The following CERS6 variants were observed in gnomAD, a reference collection of about 807,000 sequenced individuals.
CERS6 encodes the protein LAG1 homolog, ceramide synthase 6.
Under a neutral mutation model 56.8 loss-of-function variants are expected in CERS6, and 26 were observed. The observed-to-expected ratio is 0.46, with a 90% CI of 0.34 to 0.63. The LOEUF (loss-of-function observed/expected upper bound fraction) is 0.63, where lower values mean the gene tolerates loss of function less well. Ranked by LOEUF, CERS6 falls within the 30% of genes least tolerant of loss-of-function variation. CERS6 has a pLI of 0.01. For missense variants in CERS6, 415 were observed against 467.5 expected (o/e 0.89, Z 1.04); for synonymous variants, 164 against 173.3 (o/e 0.95, Z 0.42).
At chr2:168,756,494 G>T (rs754051608) in intron 8 of CERS6, among the ~76,000 whole-genome samples, 3 of 152,182 alleles carry the variant, frequency 2.0e-5, no homozygotes, top group Non-Finnish European at 4.4e-5. Flanking sequence ...GGATTTAAGG[G>T]TCAAGTGGGG....
intron 8 of CERS6, among the ~76,000 whole-genome samples, chr2:168,726,438 A>G (rs941997099): frequency 6.6e-6 from 1 of 152,250 alleles, no homozygotes; most frequent in Admixed American, 6.5e-5. Flanking sequence ...GTTCTGCCCC[A>G]GTCAAGATAA....
At chr2:168,529,841 G>C (rs908458246) in intron 1 of CERS6, among the ~76,000 whole-genome samples, 1 of 152,136 alleles carries the variant, frequency 6.6e-6, no homozygotes, top group Admixed American at 6.5e-5. Flanking sequence ...AAATATAATG[G>C]AATTAAAGGA....
At chr2:168,558,737 C>CACA (rs1558997490) in intron 2 of CERS6, among the ~76,000 whole-genome samples, 1 of 152,202 alleles carries the variant, frequency 6.6e-6, no homozygotes, top group African/African-American at 2.4e-5. Flanking sequence ...GGTGTGGTGG[C>CACA]TGGCGCCTGT....
Position 168,763,451 on chromosome 2 carries a change from A to T in CERS6, c.846-2141A>T, listed in dbSNP as rs996179117. Among the ~76,000 whole-genome samples, 7 of 151,254 alleles carry T rather than the reference A, an allele frequency of 4.6e-5. No individual in the cohort carries two copies. The South Asian group carries it at 1.3e-3, about 27-fold the overall frequency. On this transcript the variant is annotated intron_variant, in intron 8 of 9. Coordinates refer to ENST00000305747, the MANE Select transcript of CERS6 (RefSeq NM_203463.3). Reference sequence around the variant, plus strand: ...TTTTTTTTGTATTTTTAGTAGAGACAGGGTTTCAGCATCTTGGCCAGGCTG... The same window carrying T: ...TTTTTTTTGTATTTTTAGTAGAGACTGGGTTTCAGCATCTTGGCCAGGCTG...
chr2:168,769,949 A>G lies in CERS6; in HGVS notation c.*287A>G. ...TTTTGTATTTGTAAATCTGTGGACA[A>G]AAGAGGGTTTCCTCACTCCTTTTAC... is the stretch of plus-strand genomic sequence containing the variant. On this transcript the variant is annotated 3_prime_UTR_variant, in exon 10 of 10. Transcript: ENST00000305747. The G allele has an allele frequency of 3.1e-6, 1 of 323,864 alleles. No homozygotes were observed. The highest frequency in any genetic ancestry group is 3.1e-5 in the South Asian group (1 of 32,504). 20.1% of individuals were successfully genotyped at this position (323,864 alleles called of 1,614,324 possible).
At chr2:168,710,266 C>G (rs977788216) in intron 6 of CERS6, among the ~76,000 whole-genome samples, 2 of 152,254 alleles carry the variant, frequency 1.3e-5, no homozygotes, top group African/African-American at 2.4e-5. Context: ...TACTAATCCT[C>G]CATAAGTGTT....
intron 4 of CERS6, among the ~76,000 whole-genome samples, chr2:168,669,822 C>G (rs6730030): frequency 0.39 from 58,696 of 151,922 alleles, 12,071 homozygotes; most frequent in South Asian, 0.47. Context: ...ACTCATATAT[C>G]TTAACATACA....
intron 1 of CERS6, among the ~76,000 whole-genome samples, chr2:168,494,648 C>T (rs546045976): frequency 2.6e-5 from 4 of 152,124 alleles, no homozygotes; most frequent in African/African-American, 4.8e-5. Context: ...TTCAAGAGAC[C>T]GAAGAAGAGA....
At chr2:168,763,402 A>G (rs1684637274) in intron 8 of CERS6, among the ~76,000 whole-genome samples, 1 of 150,942 alleles carries the variant, frequency 6.6e-6, no homozygotes, top group African/African-American at 2.4e-5. Context: ...ACACCAGCAC[A>G]CTCGGCTGAT....
intron 4 of CERS6, among the ~76,000 whole-genome samples, chr2:168,684,648 T>A (rs950762722): frequency 6.6e-6 from 1 of 152,216 alleles, no homozygotes; most frequent in African/African-American, 2.4e-5. Flanking sequence ...TAAGCAAAGA[T>A]GTTGAGAGGC....
At chr2:168,465,111 G>A (rs1031846158) in intron 1 of CERS6, among the ~76,000 whole-genome samples, 3 of 152,200 alleles carry the variant, frequency 2.0e-5, no homozygotes, top group African/African-American at 7.2e-5. Flanking sequence ...TAGCCAAAAG[G>A]TGGGAGCAAC....
chr2:168,601,799 C>T (rs1683939425), intron 3 of CERS6, among the ~76,000 whole-genome samples: 1 of 152,170 alleles, frequency 6.6e-6, no homozygotes, highest in Non-Finnish European at 1.5e-5. Flanking sequence ...ATCCGCCCAC[C>T]CCAGCCTCCC....
chr2:168,727,850 A>C (rs533833873), intron 8 of CERS6, among the ~76,000 whole-genome samples: 82 of 152,358 alleles, frequency 5.4e-4, no homozygotes, highest in African/African-American at 1.8e-3. Flanking sequence ...GATTTGAAGG[A>C]TGAAACCTGC....
chr2:168,721,788 T>G (rs1683179540), intron 8 of CERS6, among the ~76,000 whole-genome samples: 1 of 151,840 alleles, frequency 6.6e-6, no homozygotes. Context: ...CCAGCTGATT[T>G]ATTTATTTAT....
rs946913469 is a variant in CERS6, at chr2:168,535,027, G to C, written c.171-12569G>C. Among the ~76,000 whole-genome samples the C allele has an allele frequency of 3.3e-5, 5 of 152,326 alleles. No individual in the cohort carries two copies. The East Asian group carries it at 9.7e-4, about 29-fold the overall frequency. ...GCCACAGCCGGTGTGTTGGGCTGTCGGGGACACGTCTTGGGACCAAGCCGT... is the reference window on the plus strand; with the variant it reads ...GCCACAGCCGGTGTGTTGGGCTGTCCGGGACACGTCTTGGGACCAAGCCGT... On this transcript the variant is annotated intron_variant, in intron 1 of 9. Coordinates refer to ENST00000305747, the MANE Select transcript of CERS6 (RefSeq NM_203463.3).
At position 168,772,611 on chromosome 2, in the gene CERS6, A is replaced by G. The variant is rs1559089313; in HGVS notation, c.*2949A>G. 1.3e-5 allele frequency: 2 copies of G among 152,688 alleles called. No homozygotes were observed. The highest frequency in any genetic ancestry group is 2.9e-5 in the Non-Finnish European group (2 of 68,050). The allele number at this position is 152,688 out of a possible 1,614,324, so 9.5% of individuals were successfully genotyped here. A position where few individuals can be genotyped will look rare whatever the true frequency, so the allele number is the denominator to read the frequency against. On this transcript the variant is annotated 3_prime_UTR_variant, in exon 10 of 10. Coordinates refer to ENST00000305747, the MANE Select transcript of CERS6 (RefSeq NM_203463.3). ...TTCAGCCTCTTAGCCAGTGAGCTAA[A>G]TATGGCTAAGCACAGGTCATAAGAG...
chr2:168,657,557 C>T (rs1213170534), intron 4 of CERS6, among the ~76,000 whole-genome samples: 2 of 152,246 alleles, frequency 1.3e-5, no homozygotes, highest in Non-Finnish European at 2.9e-5. Context: ...TCAGGCATGG[C>T]AGACTGCAGG....
chr2:168,734,006 C>T (rs2105416776), intron 8 of CERS6, among the ~76,000 whole-genome samples: 1 of 152,270 alleles, frequency 6.6e-6, no homozygotes, highest in Admixed American at 6.5e-5. Flanking sequence ...TGTACATGTT[C>T]TCTTCTTCAT....
At chr2:168,667,621 T>C (rs542635838) in intron 4 of CERS6, among the ~76,000 whole-genome samples, 247 of 152,270 alleles carry the variant, frequency 1.6e-3, no homozygotes, top group Middle Eastern at 3.4e-3. Flanking sequence ...TGGATGACAC[T>C]ACTGCATTAT....
Sources: allele counts gnomAD v4.1 joint callset (sites outside exome capture counted in the v4.1 genomes callset), GRCh38; gene constraint gnomAD v4.1.1; transcripts MANE v1.5; gene names NCBI Gene and HGNC (gene_info 2026-07-23, HGNC 2026-07-21).